UBXN2B: variants seen among roughly 807,000 people sequenced by gnomAD.
The protein encoded by UBXN2B is UBX domain protein 2B.
UBXN2B carries 19 observed loss-of-function variants against 37.5 expected under a neutral mutation model. The ratio of observed to expected loss-of-function variants is 0.51; its 90% CI spans 0.35 to 0.74. The LOEUF is 0.74. Among genes scored for constraint, UBXN2B ranks in the 30% least tolerant of loss-of-function variants. UBXN2B has a pLI of 0.01. For synonymous variants in UBXN2B, 145 were observed against 143.8 expected (o/e 1.01, Z -0.06); for missense variants, 370 against 393.2 (o/e 0.94, Z 0.50).
At position 58,439,668 on chromosome 8, in the gene UBXN2B, G is replaced by A; in HGVS notation, c.569G>A (p.Gly190Asp). ...CTGGAGCTTCAGCGCCTTGTTCATG[G>A]TGGCCAAGTGAATTTGGATATGGAG... ...IPLELQRLVH[G>D]GQVNLDMEDH... Residue 190 changes from glycine to aspartate, a missense_variant, in exon 6 of 8, where the codon GGT (glycine) becomes GAT (aspartate). Physicochemically the swap from Gly to Asp is moderately conservative, Grantham distance 94 (BLOSUM62 -1). Transcript: ENST00000399598. 1 of 1,610,654 alleles carries A rather than the reference G, an allele frequency of 6.2e-7. No homozygotes were observed. The highest frequency in any genetic ancestry group is 8.5e-7 in the Non-Finnish European group (1 of 1,179,046).
At chr8:58,436,409 A>G (rs1191992373) in intron 5 of UBXN2B, among the ~76,000 whole-genome samples, 2 of 152,234 alleles carry the variant, frequency 1.3e-5, no homozygotes, top group Non-Finnish European at 2.9e-5. Flanking sequence ...AGGGCACATG[A>G]TGATTCTTTG....
At chr8:58,437,318 CTTT>C (rs773987509) in intron 5 of UBXN2B, among the ~76,000 whole-genome samples, 5 of 74,262 alleles carry the variant, frequency 6.7e-5, no homozygotes, top group Non-Finnish European at 1.0e-4. Context: ...GAAGAAATTT[CTTT>C]TTTTTTTTTT....
At chr8:58,424,469 A>G (rs1189533090) in intron 2 of UBXN2B, 3 of 588,762 alleles carry the variant, frequency 5.1e-6, no homozygotes, top group East Asian at 3.1e-5. Context: ...GTCAACCACA[A>G]TGCAAGCCTT....
chr8:58,450,925 C>T lies in UBXN2B; in HGVS notation c.*3374C>T, dbSNP rs1027615063. The T allele has an allele frequency of 6.6e-6, 1 of 152,432 alleles. No homozygotes were observed. Among genetic ancestry groups the T allele is most frequent in the African/African-American group, 2.4e-5 (1 of 41,454 alleles). 9.4% of individuals were successfully genotyped at this position (152,432 alleles called of 1,614,324 possible). ...CTCAGTGCCGTAATATAGAGGAATTCTCAAAATAAGCCCTACTCCTTTTCA... is the reference window on the plus strand; with the variant it reads ...CTCAGTGCCGTAATATAGAGGAATTTTCAAAATAAGCCCTACTCCTTTTCA... On this transcript the variant is annotated 3_prime_UTR_variant, in exon 8 of 8. Transcript: ENST00000399598.
At chr8:58,443,472 T>G (rs1808598312) in intron 6 of UBXN2B, among the ~76,000 whole-genome samples, 1 of 152,030 alleles carries the variant, frequency 6.6e-6, no homozygotes. Flanking sequence ...AGCAAACAGA[T>G]GTGATTTTGA....
At chr8:58,446,775 C>T (rs1212333108) in intron 7 of UBXN2B, among the ~76,000 whole-genome samples, 2 of 37,370 alleles carry the variant, frequency 5.4e-5, no homozygotes, top group African/African-American at 1.7e-4. Context: ...AAAGTACAAC[C>T]TGCATTTTTT....
intron 2 of UBXN2B, among the ~76,000 whole-genome samples, chr8:58,419,419 A>AT (rs1400935557): frequency 2.6e-4 from 39 of 152,174 alleles, no homozygotes; most frequent in Non-Finnish European, 2.9e-5. Flanking sequence ...AGACAGTTTC[A>AT]TTATCTGAAA....
chr8:58,427,835 G>C (rs1038856246), intron 2 of UBXN2B, among the ~76,000 whole-genome samples: 1 of 152,180 alleles, frequency 6.6e-6, no homozygotes, highest in African/African-American at 2.4e-5. Context: ...ATATTTTGAT[G>C]ATGACATGAG....
At chr8:58,418,241 CAAAAAAAA>C (rs56073006) in intron 2 of UBXN2B, among the ~76,000 whole-genome samples, 2 of 109,112 alleles carry the variant, frequency 1.8e-5, no homozygotes, top group South Asian at 3.2e-4. Context: ...ACTCTGTCTC[CAAAAAAAA>C]AAAAAAAAAA....
chr8:58,423,330 C>T (rs975597018), intron 2 of UBXN2B, among the ~76,000 whole-genome samples: 7 of 152,116 alleles, frequency 4.6e-5, no homozygotes, highest in Admixed American at 2.6e-4. Flanking sequence ...CCAGTCTCTC[C>T]GCCAACCTGC....
At chr8:58,432,982 G>A (rs1398594052) in intron 3 of UBXN2B, among the ~76,000 whole-genome samples, 178 bp from the exon 4 acceptor site, 3 of 152,134 alleles carry the variant, frequency 2.0e-5, no homozygotes, top group Non-Finnish European at 2.9e-5. Context: ...TTCATTATTC[G>A]TCAATGGTTT....
intron 6 of UBXN2B, among the ~76,000 whole-genome samples, chr8:58,444,351 T>C (rs1055967702): frequency 1.1e-4 from 17 of 152,214 alleles, no homozygotes; most frequent in African/African-American, 3.6e-4. Flanking sequence ...ATTTAATCTT[T>C]ACAGCACTGC....
intron 2 of UBXN2B, among the ~76,000 whole-genome samples, chr8:58,418,312 C>T (rs1202955788): frequency 6.7e-6 from 1 of 150,140 alleles, no homozygotes; most frequent in Non-Finnish European, 1.5e-5. Flanking sequence ...TTAGTAGTCA[C>T]ATATCTCTTA....
intron 6 of UBXN2B, among the ~76,000 whole-genome samples, chr8:58,442,011 T>C (rs1472893138): frequency 6.6e-6 from 1 of 152,218 alleles, no homozygotes; most frequent in East Asian, 1.9e-4. Flanking sequence ...AGTCAGGTGC[T>C]TGGTGCCCAT....
At chr8:58,425,958 C>T in intron 2 of UBXN2B, 1 of 1,432,272 alleles carries the variant, frequency 7.0e-7, no homozygotes, top group East Asian at 2.3e-5. Flanking sequence ...CTCTCTCATA[C>T]AAGAAAACTA....
intron 1 of UBXN2B, among the ~76,000 whole-genome samples, chr8:58,412,862 G>A (rs761451587): frequency 2.0e-5 from 3 of 152,176 alleles, no homozygotes; most frequent in Admixed American, 2.0e-4. Flanking sequence ...CATTATCCTG[G>A]CTCAGTTGTT....
intron 5 of UBXN2B, chr8:58,434,860 TGAC>T: frequency 1.3e-6 from 2 of 1,535,632 alleles, no homozygotes; most frequent in East Asian, 2.4e-5. Context: ...GTTGACAGGG[TGAC>T]TCTCATTGCA....
At chr8:58,430,690 TAAA>T (rs747554733) in intron 3 of UBXN2B, 21 bp downstream of exon 3, 1 of 1,424,336 alleles carries the variant, frequency 7.0e-7, no homozygotes. Flanking sequence ...AATTTTAAAC[TAAA>T]TACATTGTTT....
chr8:58,425,390 T>C (rs1808055120), intron 2 of UBXN2B: 2 of 1,134,922 alleles, frequency 1.8e-6, no homozygotes, highest in Non-Finnish European at 2.7e-6. Context: ...TGTGTGGCAA[T>C]GTAACTCTTC....
Sources: gnomAD v4.1 joint callset for allele counts (sites outside exome capture counted in the v4.1 genomes callset) on GRCh38, gnomAD v4.1.1 for gene constraint, MANE v1.5 for transcripts, NCBI Gene and HGNC (gene_info 2026-07-23, HGNC 2026-07-21) for gene names.